SLC41A2: variants seen among roughly 807,000 people sequenced by gnomAD.
SLC41A2 encodes the protein solute carrier family 41 member 2, also known as SLC41A1-like 1.
In SLC41A2, 32 loss-of-function variants were observed where a neutral mutation model predicts 58.3. The observed-to-expected ratio is 0.55, with a 90% CI of 0.41 to 0.74. The LOEUF (loss-of-function observed/expected upper bound fraction) is 0.74, where lower values mean the gene tolerates loss of function less well. Among genes scored for constraint, SLC41A2 ranks in the 30% least tolerant of loss-of-function variants. The pLI, the probability that SLC41A2 is intolerant of heterozygous loss-of-function variation, is 0.00. For synonymous variants in SLC41A2, 190 were observed against 235.0 expected, an observed-to-expected ratio of 0.81 and a Z score of 1.75; for missense variants, 514 against 680.6, an observed-to-expected ratio of 0.76 and a Z score of 2.72.
chr12:104,883,422 T>G (rs2044489101), intron 6 of SLC41A2, among the ~76,000 whole-genome samples: 2 of 152,216 alleles, frequency 1.3e-5, no homozygotes, highest in Non-Finnish European at 2.9e-5. Context: ...ATTTTCAGCT[T>G]TTCTGCTCTG....
Position 104,949,911 on chromosome 12 carries a change from G to A in SLC41A2, c.-168+8177C>T, listed in dbSNP as rs75705312. On this transcript the variant is annotated intron_variant, in intron 1 of 10. Transcript: ENST00000258538. ...GCACTGAACCTTTAAGAACAGGTAA[G>A]ATTTAGAGAAATTGAGGGGAGGTGG... 8.5e-3 allele frequency among the ~76,000 whole-genome samples: 1,293 copies of A among 152,218 alleles called. 40 individuals are homozygous for A. In the East Asian group the frequency reaches 0.11, roughly 13 times the overall value.
At chr12:104,818,138 A>G (rs919974187) in intron 10 of SLC41A2, among the ~76,000 whole-genome samples, 3 of 152,226 alleles carry the variant, frequency 2.0e-5, no homozygotes, top group African/African-American at 7.2e-5. Flanking sequence ...AAAAGCATCA[A>G]TGCTTAAAAA....
intron 10 of SLC41A2, among the ~76,000 whole-genome samples, chr12:104,808,481 G>A (rs1215259497): frequency 6.6e-6 from 1 of 152,208 alleles, no homozygotes; most frequent in Non-Finnish European, 1.5e-5. Context: ...GTATTTTACT[G>A]AGGATTTTTG....
chr12:104,878,650 T>C (rs932290424), intron 6 of SLC41A2, among the ~76,000 whole-genome samples: 1 of 152,198 alleles, frequency 6.6e-6, no homozygotes, highest in Non-Finnish European at 1.5e-5. Context: ...GCTCATGCTT[T>C]TTTATGGCTG....
chr12:104,934,747 C>T (rs768977190), intron 1 of SLC41A2, among the ~76,000 whole-genome samples: 4 of 151,994 alleles, frequency 2.6e-5, no homozygotes, highest in African/African-American at 7.3e-5. Flanking sequence ...TGGACGGAAC[C>T]GGAGGACATT....
chr12:104,815,698 G>A (rs2041367915), intron 10 of SLC41A2, among the ~76,000 whole-genome samples: 1 of 152,036 alleles, frequency 6.6e-6, no homozygotes, highest in African/African-American at 2.4e-5. Flanking sequence ...CTTTACAAAG[G>A]TTGAATTCAT....
At chr12:104,925,297 G>A (rs1454701021) in intron 2 of SLC41A2, among the ~76,000 whole-genome samples, 2 of 152,186 alleles carry the variant, frequency 1.3e-5, no homozygotes, top group African/African-American at 4.8e-5. Context: ...GGTGGCTCAC[G>A]CCTATAATCC....
At chr12:104,909,363 C>G (rs1387444464) in intron 3 of SLC41A2, among the ~76,000 whole-genome samples, 1 of 152,082 alleles carries the variant, frequency 6.6e-6, no homozygotes, top group Non-Finnish European at 1.5e-5. Flanking sequence ...AACCAACCAT[C>G]GAACCACAAA....
At chr12:104,855,999 T>A (rs2043008152) in intron 8 of SLC41A2, among the ~76,000 whole-genome samples, 1 of 152,138 alleles carries the variant, frequency 6.6e-6, no homozygotes, top group Admixed American at 6.5e-5. Context: ...ATGAGCCGTA[T>A]GACAAGGACA....
intron 6 of SLC41A2, among the ~76,000 whole-genome samples, chr12:104,874,167 G>A (rs375643925): frequency 1.3e-5 from 2 of 148,264 alleles, no homozygotes; most frequent in African/African-American, 2.5e-5. Flanking sequence ...TCTGCCTCCC[G>A]GGTTCACACC....
intron 8 of SLC41A2, among the ~76,000 whole-genome samples, chr12:104,860,806 C>T (rs966543176): frequency 6.6e-5 from 10 of 151,974 alleles, no homozygotes; most frequent in African/African-American, 1.7e-4. Flanking sequence ...AACCCCTAAC[C>T]TCAAGCGACC....
chr12:104,819,893 G>A (rs2041559424), intron 10 of SLC41A2, among the ~76,000 whole-genome samples: 1 of 152,212 alleles, frequency 6.6e-6, no homozygotes, highest in African/African-American at 2.4e-5. Flanking sequence ...TTTCACAAGA[G>A]CTGACTGGAT....
intron 2 of SLC41A2, among the ~76,000 whole-genome samples, chr12:104,925,655 T>G (rs778056658): frequency 5.3e-5 from 8 of 152,216 alleles, no homozygotes; most frequent in Non-Finnish European, 8.8e-5. Flanking sequence ...TAAAAGTTCA[T>G]AAAATCATAA....
intron 8 of SLC41A2, among the ~76,000 whole-genome samples, chr12:104,846,762 G>A (rs1447178570): frequency 6.6e-6 from 1 of 152,148 alleles, no homozygotes; most frequent in Non-Finnish European, 1.5e-5. Context: ...GGTAGCCGGA[G>A]CATGCCCATA....
At chr12:104,813,092 T>A (rs1024853964) in intron 10 of SLC41A2, among the ~76,000 whole-genome samples, 2 of 151,872 alleles carry the variant, frequency 1.3e-5, no homozygotes, top group African/African-American at 4.8e-5. Flanking sequence ...GGCAGGAGAA[T>A]CGCTTGAACC....
intron 2 of SLC41A2, among the ~76,000 whole-genome samples, chr12:104,915,594 G>C (rs1406498922): frequency 1.3e-5 from 2 of 152,212 alleles, no homozygotes; most frequent in Non-Finnish European, 1.5e-5. Flanking sequence ...GTATAAGAAT[G>C]CTTGTGATTT....
intron 1 of SLC41A2, among the ~76,000 whole-genome samples, chr12:104,948,992 G>C (rs2047848177): frequency 6.6e-6 from 1 of 152,154 alleles, no homozygotes; most frequent in Non-Finnish European, 1.5e-5. Flanking sequence ...GAGGTAGGTG[G>C]ATCACCTGAG....
chr12:104,842,757 T>C (rs2042460046), intron 10 of SLC41A2, among the ~76,000 whole-genome samples: 1 of 152,076 alleles, frequency 6.6e-6, no homozygotes, highest in African/African-American at 2.4e-5. Context: ...GGATATATGT[T>C]GAAATCTATT....
intron 2 of SLC41A2, among the ~76,000 whole-genome samples, chr12:104,925,472 G>C (rs957686588): frequency 3.3e-5 from 5 of 152,054 alleles, no homozygotes; most frequent in African/African-American, 1.2e-4. Context: ...GCAGGAGAAC[G>C]GTATGAACCC....
Sources: allele counts gnomAD v4.1 joint callset (sites outside exome capture counted in the v4.1 genomes callset), GRCh38; gene constraint gnomAD v4.1.1; transcripts MANE v1.5; gene names NCBI Gene and HGNC (gene_info 2026-07-23, HGNC 2026-07-21).